The following MED12L variants were observed in gnomAD, a reference collection of about 807,000 sequenced individuals.
The protein encoded by MED12L is mediator of RNA polymerase II transcription subunit 12-like protein.
MED12L carries 60 observed loss-of-function variants against 281.3 expected under a neutral mutation model. That is an observed-to-expected ratio of 0.21 (90% confidence interval 0.17 to 0.26). The LOEUF is 0.26. Ranked by LOEUF, MED12L falls within the 10% of genes least tolerant of loss-of-function variation. MED12L has a pLI of 1.00. For synonymous variants in MED12L, 974 were observed against 987.2 expected, an observed-to-expected ratio of 0.99 and a Z score of 0.25; for missense variants, 2,146 against 2,680.9, an observed-to-expected ratio of 0.80 and a Z score of 4.41.
chr3:151,156,154 A>G lies in MED12L; in HGVS notation c.557-7A>G, dbSNP rs1285097092. ...GAAACTCATATTTTTCTTTTTTTAA[A>G]ATGCAGAGTGGACACAGATATCTAC... On this transcript the variant is annotated splice_region_variant and splice_polypyrimidine_tract_variant and intron_variant, in intron 5 of 44. Coordinates refer to ENST00000687756, the MANE Select transcript of MED12L (RefSeq NM_001393769.1). The G allele has an allele frequency of 6.3e-7, 1 of 1,579,090 alleles. No homozygotes were observed. The highest frequency in any genetic ancestry group is 1.2e-5 in the South Asian group (1 of 85,650).
chr3:151,293,502 C>T (rs1171978653), intron 16 of MED12L, among the ~76,000 whole-genome samples: 1 of 151,694 alleles, frequency 6.6e-6, no homozygotes, highest in Non-Finnish European at 1.5e-5. Context: ...ATTTCCACAG[C>T]TCATTCCTAC....
rs1452387320 is a variant in MED12L at position 151,376,178 on chromosome 3, C to T, written c.4017C>T (p.Asp1339=). The change falls in exon 28 of 45, where the codon GAC becomes GAT. Residue 1339 remains aspartate, a synonymous_variant. Transcript: ENST00000687756. ...PHGIKECTEG[D]NLQRQHIKRI... ...GCATTAAAGAATGTACCGAGGGGGA[C>T]AATCTGCAAAGACAGCACATTAAGC... 1 of 1,600,864 alleles carries T rather than the reference C, an allele frequency of 6.2e-7. No homozygotes were observed. Among genetic ancestry groups the T allele is most frequent in the African/African-American group, 1.3e-5 (1 of 74,136 alleles).
intron 16 of MED12L, among the ~76,000 whole-genome samples, chr3:151,285,445 G>A (rs1158285279): frequency 6.6e-5 from 10 of 151,822 alleles, no homozygotes; most frequent in South Asian, 2.1e-4. Flanking sequence ...CAGAGATTGC[G>A]CCACTGCACT....
intron 43 of MED12L, among the ~76,000 whole-genome samples, chr3:151,419,916 G>GA (rs2108415414): frequency 8.2e-6 from 1 of 122,626 alleles, no homozygotes; most frequent in Admixed American, 8.3e-5. Flanking sequence ...TTAACAAAAG[G>GA]AGGAAGTACT....
intron 38 of MED12L, among the ~76,000 whole-genome samples, chr3:151,393,280 G>A (rs1714530118): frequency 6.6e-6 from 1 of 152,190 alleles, no homozygotes; most frequent in Non-Finnish European, 1.5e-5. Flanking sequence ...AGAAGGGGAA[G>A]TAGATAAAAG....
chr3:151,369,871 G>A (rs1484677118), intron 26 of MED12L, among the ~76,000 whole-genome samples: 1 of 152,124 alleles, frequency 6.6e-6, no homozygotes, highest in East Asian at 1.9e-4. Flanking sequence ...ATCACACTTT[G>A]TGAGAGACAG....
chr3:151,261,031 G>A (rs1258123487), intron 16 of MED12L, among the ~76,000 whole-genome samples: 1 of 152,102 alleles, frequency 6.6e-6, no homozygotes, highest in Non-Finnish European at 1.5e-5. Flanking sequence ...GAGGATCCCT[G>A]TGTGTTTAAC....
Position 151,156,347 on chromosome 3 carries a change from A to G in MED12L, c.726+17A>G. ...ATGTTCCAGGTAACCTTTTGAAGAC[A>G]TGCAGAGTTGTGTGCAATGCTTTTA... On this transcript the variant is annotated intron_variant, in intron 6 of 44. Coordinates refer to ENST00000687756, the MANE Select transcript of MED12L (RefSeq NM_001393769.1). 1 of 1,588,630 alleles carries G rather than the reference A, an allele frequency of 6.3e-7. No individual in the cohort carries two copies. The highest frequency in any genetic ancestry group is 2.3e-5 in the East Asian group (1 of 44,152).
At position 151,257,075 on chromosome 3, in the gene MED12L, A is replaced by G. The variant is rs183758916; in HGVS notation, c.2250+63409A>G. On this transcript the variant is annotated intron_variant, in intron 16 of 44. Coordinates refer to ENST00000687756, the MANE Select transcript of MED12L (RefSeq NM_001393769.1). ...TACAGCTGCTTCTGAGATACAAGAA[A>G]TGGTGTAGTTTTAAAAAGAAATGCT... Among the ~76,000 whole-genome samples, 299 of 152,202 alleles carry G rather than the reference A, an allele frequency of 2.0e-3. 1 individual carries two copies. The highest frequency in any genetic ancestry group is 6.9e-3 in the African/African-American group (288 of 41,556).
rs147600909 is a variant in MED12L at position 151,430,325 on chromosome 3, C to CCAG, written c.6448_6450dup (p.Gln2150dup). 2 of 1,612,944 alleles carry CCAG rather than the reference C, an allele frequency of 1.2e-6. No homozygotes were observed. Among genetic ancestry groups the CCAG allele is most frequent in the Non-Finnish European group, 1.7e-6 (2 of 1,179,156 alleles). On this transcript the variant is annotated inframe_insertion, in exon 44 of 45. Coordinates refer to ENST00000687756, the MANE Select transcript of MED12L (RefSeq NM_001393769.1). ...TTCCCAGGCAAGGCTTGCAGCAGAC[C>CCAG]CAGCAGCAGCAGCAGACGGCCGCCT...
At chr3:151,411,248 A>G (rs775943199) in intron 40 of MED12L, 30 bp from the exon 41 acceptor site, 5 of 1,597,288 alleles carry the variant, frequency 3.1e-6, no homozygotes, top group East Asian at 2.2e-5. Context: ...AAGTTGAAAC[A>G]TTGACTTCTT....
intron 16 of MED12L, among the ~76,000 whole-genome samples, chr3:151,308,455 G>A (rs1053110456): frequency 9.9e-5 from 15 of 152,104 alleles, no homozygotes; most frequent in Non-Finnish European, 1.5e-5. Flanking sequence ...AGGGGCCACA[G>A]TCCCAGTAGC....
chr3:151,423,408 G>A (rs112628960), intron 43 of MED12L, among the ~76,000 whole-genome samples: 10 of 152,204 alleles, frequency 6.6e-5, no homozygotes, highest in African/African-American at 2.4e-4. Flanking sequence ...TCTTTAAAAC[G>A]TGTCACCAGA....
intron 16 of MED12L, among the ~76,000 whole-genome samples, chr3:151,218,416 G>T (rs1234741181): frequency 1.3e-5 from 2 of 152,170 alleles, no homozygotes; most frequent in Non-Finnish European, 2.9e-5. Flanking sequence ...TGTTTGTGGA[G>T]CCCTGCTCAT....
chr3:151,275,706 A>G (rs1741736703), intron 16 of MED12L, among the ~76,000 whole-genome samples: 1 of 152,210 alleles, frequency 6.6e-6, no homozygotes. Flanking sequence ...CCCTGTAAAG[A>G]AGAACCAGAA....
At chr3:151,225,263 C>T (rs1730261316) in intron 16 of MED12L, among the ~76,000 whole-genome samples, 1 of 152,184 alleles carries the variant, frequency 6.6e-6, no homozygotes, top group African/African-American at 2.4e-5. Flanking sequence ...AGAAATCCTT[C>T]TTCTGCTTAG....
In MED12L at chr3:151,329,397, A is replaced by G. The variant is rs1750090047; in HGVS notation, c.2251-20662A>G. 6.2e-6 allele frequency: 5 copies of G among 801,924 alleles called. No individual in the cohort carries two copies. In the East Asian group the frequency reaches 1.4e-4, roughly 22 times the overall value. 49.7% of individuals were successfully genotyped at this position (801,924 alleles called of 1,614,324 possible). On this transcript the variant is annotated intron_variant, in intron 16 of 44. Transcript: ENST00000687756. ...GCTCATAAACTATGGTTTGTAGAAT[A>G]TTAACTTTAAAGCACCTTTTTTCCC...
At chr3:151,132,204 T>A (rs566430525) in intron 5 of MED12L, among the ~76,000 whole-genome samples, 3 of 152,340 alleles carry the variant, frequency 2.0e-5, no homozygotes, top group Non-Finnish European at 4.4e-5. Context: ...TTCCCAGGTC[T>A]ACCATCTCAG....
chr3:151,168,368 C>T (rs1720982949), intron 11 of MED12L, among the ~76,000 whole-genome samples: 1 of 152,136 alleles, frequency 6.6e-6, no homozygotes, highest in Admixed American at 6.5e-5. Flanking sequence ...ACTAAAAAAA[C>T]TCTTTGAGCT....
Sources: allele counts gnomAD v4.1 joint callset (sites outside exome capture counted in the v4.1 genomes callset), GRCh38; gene constraint gnomAD v4.1.1; transcripts MANE v1.5; gene names NCBI Gene and HGNC (gene_info 2026-07-23, HGNC 2026-07-21).